SLC26A7: variants seen among roughly 807,000 people sequenced by gnomAD.
SLC26A7 encodes anion exchange transporter.
In SLC26A7, 59 loss-of-function variants were observed where a neutral mutation model predicts 82.5. That is an observed-to-expected ratio of 0.72 (90% CI 0.58 to 0.89). The LOEUF is 0.89. SLC26A7 is among the 40% of genes least tolerant of loss of function. The pLI, the probability that SLC26A7 is intolerant of heterozygous loss-of-function variation, is 0.00. For synonymous variants in SLC26A7, 271 were observed against 274.3 expected (o/e 0.99, Z 0.12); for missense variants, 820 against 793.0 (o/e 1.03, Z -0.41).
chr8:91,367,915 C>T (rs898776400), intron 14 of SLC26A7, among the ~76,000 whole-genome samples: 2 of 152,172 alleles, frequency 1.3e-5, no homozygotes, highest in Non-Finnish European at 2.9e-5. Context: ...ATTCCTGTCC[C>T]TTACAGCTTC....
intron 2 of SLC26A7, among the ~76,000 whole-genome samples, chr8:91,241,083 C>T (rs1810467584): frequency 6.6e-6 from 1 of 152,058 alleles, no homozygotes; most frequent in Non-Finnish European, 1.5e-5. Context: ...AAGATTTATT[C>T]TCAGAGATGT....
chr8:91,317,564 C>A (rs1812672666), intron 4 of SLC26A7, among the ~76,000 whole-genome samples: 1 of 152,146 alleles, frequency 6.6e-6, no homozygotes, highest in African/African-American at 2.4e-5. Context: ...AAATTTACAA[C>A]CTCTGGCATA....
chr8:91,372,650 G>A (rs76122701), intron 15 of SLC26A7, among the ~76,000 whole-genome samples: 4,444 of 152,068 alleles, frequency 0.029, 66 homozygotes, highest in Non-Finnish European at 0.035. Flanking sequence ...AGTATAGTTT[G>A]AAGTTGGATA....
At chr8:91,394,068 T>C (rs762570865) in intron 18 of SLC26A7, 29 bp downstream of exon 18, 2 of 1,599,794 alleles carry the variant, frequency 1.3e-6, no homozygotes, top group South Asian at 1.1e-5. Context: ...GCTGAAGGAG[T>C]TATAAGAATA....
intron 4 of SLC26A7, among the ~76,000 whole-genome samples, chr8:91,314,268 A>C (rs761929849): frequency 2.6e-5 from 4 of 152,188 alleles, no homozygotes; most frequent in Non-Finnish European, 5.9e-5. Context: ...TCAAATTTAA[A>C]TACTGGGTCT....
intron 2 of SLC26A7, chr8:91,219,050 C>G (rs907312824): frequency 1.0e-6 from 1 of 971,112 alleles, no homozygotes; most frequent in Non-Finnish European, 1.6e-6. Flanking sequence ...CCTGTCAGCT[C>G]TGCATACACA....
At chr8:91,239,650 C>T (rs965688689) in intron 2 of SLC26A7, among the ~76,000 whole-genome samples, 1 of 151,986 alleles carries the variant, frequency 6.6e-6, no homozygotes, top group African/African-American at 2.4e-5. Context: ...TCTATACAAA[C>T]TTTCTTACTG....
chr8:91,314,299 G>C (rs1177663719), intron 4 of SLC26A7, among the ~76,000 whole-genome samples: 1 of 152,098 alleles, frequency 6.6e-6, no homozygotes, highest in South Asian at 2.1e-4. Context: ...TATTCCAGGA[G>C]AGCCCCATTT....
At chr8:91,356,677 G>A (rs959877948) in intron 11 of SLC26A7, among the ~76,000 whole-genome samples, 5 of 152,106 alleles carry the variant, frequency 3.3e-5, no homozygotes, top group Non-Finnish European at 7.4e-5. Flanking sequence ...CATTTTGTAG[G>A]TTGTCTGTTC....
chr8:91,332,339 A>G (rs1425328733), intron 5 of SLC26A7, among the ~76,000 whole-genome samples: 14 of 136,874 alleles, frequency 1.0e-4, no homozygotes, highest in South Asian at 2.1e-4. Context: ...TATATTATAT[A>G]TAATATATAT....
intron 2 of SLC26A7, among the ~76,000 whole-genome samples, chr8:91,221,690 G>T (rs1243269915): frequency 6.6e-6 from 1 of 152,030 alleles, no homozygotes; most frequent in Non-Finnish European, 1.5e-5. Flanking sequence ...TAGATGTGTG[G>T]TATTATTTCT....
chr8:91,209,743 A>G (rs949323376), intron 1 of SLC26A7, among the ~76,000 whole-genome samples: 2 of 152,226 alleles, frequency 1.3e-5, no homozygotes, highest in Non-Finnish European at 2.9e-5. Context: ...TAGAATTTTT[A>G]ATAGAATTTT....
At chr8:91,253,992 G>A (rs1437260803) in intron 2 of SLC26A7, among the ~76,000 whole-genome samples, 1 of 152,044 alleles carries the variant, frequency 6.6e-6, no homozygotes, top group Non-Finnish European at 1.5e-5. Context: ...ATAAATAAAT[G>A]TAATAAAGAT....
rs549527163 is a variant in SLC26A7 at position 91,229,134 on chromosome 8, A to T, written c.-34+10129A>T. Among the ~76,000 whole-genome samples the T allele has an allele frequency of 1.5e-4, 23 of 152,210 alleles. 1 individual carries two copies. The South Asian group carries it at 4.4e-3, about 29-fold the overall frequency. ...TCGAATCCTGCCAGTCTCTCTCTCC[A>T]TATGTTATTTCCTCTGTCTGGATCA... On this transcript the variant is annotated intron_variant, in intron 2 of 5. Coordinates refer to the SLC26A7 transcript ENST00000522862.
At chr8:91,255,582 A>T (rs1810779233) in intron 2 of SLC26A7, among the ~76,000 whole-genome samples, 1 of 152,074 alleles carries the variant, frequency 6.6e-6, no homozygotes, top group Admixed American at 6.6e-5. Context: ...AATGAGTCTA[A>T]AGTATATTTT....
intron 2 of SLC26A7, among the ~76,000 whole-genome samples, chr8:91,234,791 CCCTA>C (rs68154003): frequency 0.2 from 23,914 of 120,514 alleles, 2,616 homozygotes; most frequent in Admixed American, 0.28. Flanking sequence ...TTCCCTCCCT[CCCTA>C]CCTACCTACC....
At chr8:91,357,475 C>T (rs1222669999) in intron 11 of SLC26A7, 1 of 152,114 alleles carries the variant, frequency 6.6e-6, no homozygotes, top group African/African-American at 2.4e-5. Context: ...TTAATATACT[C>T]TCTAAATCTG....
intron 15 of SLC26A7, among the ~76,000 whole-genome samples, chr8:91,385,367 C>A (rs1461155551): frequency 1.3e-5 from 2 of 152,116 alleles, no homozygotes; most frequent in Admixed American, 1.3e-4. Context: ...AATGGCAGAA[C>A]TGAAAGGATA....
chr8:91,272,737 A>G (rs943046999), intron 2 of SLC26A7, among the ~76,000 whole-genome samples: 15 of 152,302 alleles, frequency 9.8e-5, no homozygotes, highest in Non-Finnish European at 2.2e-4. Context: ...TGACACAGAA[A>G]AAGAGTTTGG....
Sources: allele counts gnomAD v4.1 joint callset (sites outside exome capture counted in the v4.1 genomes callset), GRCh38; gene constraint gnomAD v4.1.1; transcripts MANE v1.5; gene names NCBI Gene and HGNC (gene_info 2026-07-23, HGNC 2026-07-21).